ZNF875: variants seen among roughly 807,000 people sequenced by gnomAD.
ZNF875 encodes the protein zinc finger protein 875, also known as HKR1, GLI-Kruppel zinc finger family member.
Under a neutral mutation model 11.2 loss-of-function variants are expected in ZNF875, and 14 were observed. The observed-to-expected ratio is 1.26, with a 90% CI of 0.83 to 1.96. ZNF875 has a LOEUF of 1.96. ZNF875 is among the 30% of genes most tolerant of loss of function. The probability of loss-of-function intolerance (pLI) is 0.00; values close to 1 mark genes in which losing one functional copy is unlikely to be tolerated. For missense variants in ZNF875, 752 were observed against 760.4 expected (o/e 0.99, Z 0.13); for synonymous variants, 301 against 281.1 (o/e 1.07, Z -0.71).
Position 37,362,756 on chromosome 19 carries a change from A to G in ZNF875, c.904A>G (p.Arg302Gly). 6 of 1,613,882 alleles carry G rather than the reference A, an allele frequency of 3.7e-6. No individual in the cohort carries two copies. The highest frequency in any genetic ancestry group is 5.1e-6 in the Non-Finnish European group (6 of 1,179,872). ...TWKSNLITHQ[R>G]THSGEKPYVC... ...GAAGTCAAACCTGATCACACATCAG[A>G]GGACACACTCAGGGGAGAAACCTTA... is the stretch of plus-strand genomic sequence containing the variant. The change falls in exon 5 of 5, where the codon AGG (arginine) becomes GGG (glycine). Residue 302 changes from arginine to glycine, a missense_variant. Physicochemically the swap from Arg to Gly is moderately radical, Grantham distance 125. Coordinates refer to ENST00000392153, the MANE Select transcript of ZNF875 (RefSeq NM_001353803.2).
At position 37,363,351 on chromosome 19, in the gene ZNF875, A is replaced by G; in HGVS notation, c.1499A>G (p.His500Arg). 4 of 1,611,134 alleles carry G rather than the reference A, an allele frequency of 2.5e-6. No homozygotes were observed. The highest frequency in any genetic ancestry group is 1.1e-5 in the South Asian group (1 of 90,694). ...ACCCTGAGCACGCACCAGAGGACACACTCAGGGGAGAAGCCATTTGTATGT... is the reference window on the plus strand; with the variant it reads ...ACCCTGAGCACGCACCAGAGGACACGCTCAGGGGAGAAGCCATTTGTATGT... ...KSTLSTHQRT[H>R]SGEKPFVCAE... Residue 500 changes from histidine (H) to arginine (R), a missense_variant, in exon 5 of 5, where the codon CAC becomes CGC. His to Arg is a conservative substitution (Grantham distance 29). Transcript: ENST00000392153.
At chr19:37,353,539 A>G (rs912373382) in intron 4 of ZNF875, among the ~76,000 whole-genome samples, 8 of 152,218 alleles carry the variant, frequency 5.3e-5, no homozygotes, top group Admixed American at 4.6e-4. Context: ...TGTAGATACA[A>G]GTTGCCATCT....
intron 4 of ZNF875, among the ~76,000 whole-genome samples, chr19:37,325,975 C>T (rs2032365006): frequency 1.3e-5 from 2 of 152,090 alleles, no homozygotes; most frequent in African/African-American, 4.8e-5. Flanking sequence ...TCCCAAAGTG[C>T]TGGGATTACA....
intron 2 of ZNF875, among the ~76,000 whole-genome samples, chr19:37,323,065 C>T (rs189166504): frequency 4.5e-4 from 68 of 152,104 alleles, no homozygotes; most frequent in Non-Finnish European, 7.6e-4. Context: ...CTCTGTGGGT[C>T]TGTCCTGCGT....
chr19:37,321,821 G>GGAGT (rs2031528166), intron 1 of ZNF875, among the ~76,000 whole-genome samples: 1 of 152,158 alleles, frequency 6.6e-6, no homozygotes, highest in Non-Finnish European at 1.5e-5. Context: ...CTCAAAGGGA[G>GGAGT]GAGTGGCAAG....
chr19:37,321,184 G>A (rs996282218), intron 1 of ZNF875, among the ~76,000 whole-genome samples: 15 of 152,076 alleles, frequency 9.9e-5, no homozygotes, highest in East Asian at 1.9e-4. Context: ...AAGACCTGAC[G>A]TTCCCCCAGC....
intron 4 of ZNF875, among the ~76,000 whole-genome samples, chr19:37,357,110 T>G (rs1047371011): frequency 1.3e-5 from 2 of 152,214 alleles, no homozygotes; most frequent in African/African-American, 4.8e-5. Context: ...TCTGTCAGCT[T>G]TCTCGTAGAT....
Position 37,362,402 on chromosome 19 carries a change from C to G in ZNF875, c.550C>G (p.Gln184Glu). ...SKALSSPPEE[Q>E]QPAQSKEDNT... ...GGCACTTTCCAGCCCACCTGAAGAA[C>G]AACAGCCAGCACAGTCCAAGGAAGA... The change falls in exon 5 of 5, where the codon CAA (glutamine) becomes GAA (glutamate). Residue 184 changes from glutamine to glutamate, a missense_variant. Gln to Glu is a conservative substitution (Grantham distance 29). Transcript: ENST00000392153. The G allele has an allele frequency of 2.5e-6, 4 of 1,614,090 alleles. No individual in the cohort carries two copies. The highest frequency in any genetic ancestry group is 1.7e-5 in the Admixed American group (1 of 60,010).
Position 37,362,484 on chromosome 19 carries a change from C to G in ZNF875, c.632C>G (p.Thr211Arg). ...SPERRADLEE[T>R]DKVLHGLEVS... ...GAACGGAGGGCAGATCTAGAGGAAA[C>G]AGACAAAGTATTGCATGGTTTAGAA... The change falls in exon 5 of 5, where the codon ACA (threonine) becomes AGA (arginine). Residue 211 changes from threonine (T) to arginine (R), a missense_variant. Thr to Arg is a moderately conservative substitution (Grantham distance 71). Transcript: ENST00000392153. 1.2e-6 allele frequency: 2 copies of G among 1,614,194 alleles called. No homozygotes were observed. The highest frequency in any genetic ancestry group is 1.7e-6 in the Non-Finnish European group (2 of 1,180,032).
At chr19:37,314,788 CA>C (rs2030115938), upstream of ZNF875, 1 of 144,434 alleles carries the variant, frequency 6.9e-6, no homozygotes, top group African/African-American at 2.5e-5. Flanking sequence ...GTAGAATAAA[CA>C]AAATCTTAAT....
chr19:37,353,906 A>C (rs1385696775), intron 4 of ZNF875, among the ~76,000 whole-genome samples: 2 of 151,958 alleles, frequency 1.3e-5, no homozygotes, highest in Non-Finnish European at 2.9e-5. Context: ...TTGGCTCTCT[A>C]AGTTTTATTT....
intron 2 of ZNF875, among the ~76,000 whole-genome samples, chr19:37,342,409 A>ATTTT: frequency 7.4e-6 from 1 of 135,736 alleles, no homozygotes; most frequent in Non-Finnish European, 1.6e-5. Flanking sequence ...ATCCAACTGA[A>ATTTT]TTTTTTTTTT....
At chr19:37,321,809 C>G (rs1254295897) in intron 1 of ZNF875, among the ~76,000 whole-genome samples, 1 of 152,120 alleles carries the variant, frequency 6.6e-6, no homozygotes, top group Non-Finnish European at 1.5e-5. Context: ...TCGATTCTGC[C>G]TCTCAAAGGG....
chr19:37,341,733 A>G (rs940284945), intron 2 of ZNF875, among the ~76,000 whole-genome samples: 5 of 152,136 alleles, frequency 3.3e-5, no homozygotes, highest in Admixed American at 1.3e-4. Flanking sequence ...ATCTTGATTC[A>G]AAAGTCCAGT....
intron 2 of ZNF875, among the ~76,000 whole-genome samples, chr19:37,341,428 T>G (rs935759990): frequency 6.6e-6 from 1 of 152,154 alleles, no homozygotes; most frequent in African/African-American, 2.4e-5. Context: ...GGGTGCCTAG[T>G]TTCTTCTTGG....
chr19:37,329,756 T>C (rs1384880370), upstream of ZNF875, among the ~76,000 whole-genome samples: 1 of 152,030 alleles, frequency 6.6e-6, no homozygotes, highest in Non-Finnish European at 1.5e-5. Flanking sequence ...CATTGGGCCC[T>C]CCTCTTCAGT....
intron 4 of ZNF875, among the ~76,000 whole-genome samples, chr19:37,327,034 C>G (rs1356662086): frequency 6.6e-6 from 1 of 151,482 alleles, no homozygotes; most frequent in Non-Finnish European, 1.5e-5. Context: ...GCTCTGTCTC[C>G]CAGGCTGGAG....
chr19:37,336,883 G>A (rs903467388), intron 2 of ZNF875, among the ~76,000 whole-genome samples: 2 of 151,914 alleles, frequency 1.3e-5, no homozygotes, highest in South Asian at 2.1e-4. Flanking sequence ...ACTCCAGCCC[G>A]GGCAACAGAG....
chr19:37,363,854 G>A lies in ZNF875; in HGVS notation c.*79G>A. 1 of 1,251,828 alleles carries A rather than the reference G, an allele frequency of 8.0e-7. No individual in the cohort carries two copies. Among genetic ancestry groups the A allele is most frequent in the Non-Finnish European group, 1.1e-6 (1 of 878,138 alleles). 77.5% of individuals were successfully genotyped at this position (1,251,828 alleles called of 1,614,324 possible). On this transcript the variant is annotated 3_prime_UTR_variant, in exon 5 of 5. Transcript: ENST00000392153. ...CATCAGACACCAGAGGACACACACAGTGCTGTGGCTTTTTCAGCCATTGCT... is the reference window on the plus strand; with the variant it reads ...CATCAGACACCAGAGGACACACACAATGCTGTGGCTTTTTCAGCCATTGCT...
Sources: gnomAD v4.1 joint callset for allele counts (sites outside exome capture counted in the v4.1 genomes callset) on GRCh38, gnomAD v4.1.1 for gene constraint, MANE v1.5 for transcripts, NCBI Gene and HGNC (gene_info 2026-07-23, HGNC 2026-07-21) for gene names.